The following ATG13 variants were observed in gnomAD, a reference collection of about 807,000 sequenced individuals.
ATG13 encodes the protein autophagy-related protein 13.
In ATG13, 23 loss-of-function variants were observed where a neutral mutation model predicts 65.5. That is an observed-to-expected ratio of 0.35 (90% CI 0.25 to 0.50). The LOEUF (loss-of-function observed/expected upper bound fraction) is 0.50. ATG13 is among the 20% of genes least tolerant of loss of function. The pLI is 0.98. For synonymous variants in ATG13, 252 were observed against 245.2 expected, an observed-to-expected ratio of 1.03 and a Z score of -0.26; for missense variants, 566 against 677.0, an observed-to-expected ratio of 0.84 and a Z score of 1.82.
chr11:46,619,033 T>C (rs1343939047), intron 1 of ATG13, among the ~76,000 whole-genome samples: 1 of 152,158 alleles, frequency 6.6e-6, no homozygotes, highest in African/African-American at 2.4e-5. Context: ...TGTGGAATAT[T>C]CGAAAGTAAC....
chr11:46,641,338 G>A (rs2055925845), intron 2 of ATG13, among the ~76,000 whole-genome samples: 1 of 152,192 alleles, frequency 6.6e-6, no homozygotes, highest in Non-Finnish European at 1.5e-5. Context: ...CCAAAGTGGT[G>A]GGATTACAGG....
At chr11:46,655,967 C>T (rs1246516970) in intron 7 of ATG13, among the ~76,000 whole-genome samples, 1 of 152,198 alleles carries the variant, frequency 6.6e-6, no homozygotes, top group African/African-American at 2.4e-5. Flanking sequence ...CTCCTGGCCT[C>T]AAGTGATCCT....
chr11:46,641,244 G>T (rs2055882071), intron 2 of ATG13, among the ~76,000 whole-genome samples: 1 of 152,110 alleles, frequency 6.6e-6, no homozygotes, highest in African/African-American at 2.4e-5. Context: ...GCTAATTTTT[G>T]TATTTTTAGT....
chr11:46,640,546 G>T (rs150040652), intron 2 of ATG13, among the ~76,000 whole-genome samples: 1 of 152,302 alleles, frequency 6.6e-6, no homozygotes, highest in African/African-American at 2.4e-5. Context: ...TAGAGCCTCT[G>T]TTTCCAGCTA....
chr11:46,665,408 G>A lies in ATG13; in HGVS notation c.1025G>A (p.Gly342Glu), dbSNP rs143742009. 124 of 1,613,940 alleles carry A rather than the reference G, an allele frequency of 7.7e-5. No individual in the cohort carries two copies. The highest frequency in any genetic ancestry group is 9.6e-5 in the Non-Finnish European group (113 of 1,179,986). ...HQLMVPGKEG[G>E]VPLAPNQPVH... Reference sequence around the variant, plus strand: ...CTGATGGTTCCTGGGAAGGAAGGTGGGGTACCCCTTGCTCCCAACCAGCCT... The same window carrying A: ...CTGATGGTTCCTGGGAAGGAAGGTGAGGTACCCCTTGCTCCCAACCAGCCT... Residue 342 changes from glycine (G) to glutamate (E), a missense_variant, in exon 14 of 19, where the codon GGG (glycine) becomes GAG (glutamate). This residue lies in a region of ATG13 where 387 missense variants were observed against 409.8 expected (regional missense o/e 0.94). Transcript: ENST00000683050.
At chr11:46,629,593 C>G (rs1407121300) in intron 1 of ATG13, among the ~76,000 whole-genome samples, 2 of 151,994 alleles carry the variant, frequency 1.3e-5, no homozygotes, top group East Asian at 3.9e-4. Flanking sequence ...GACGGGGTTT[C>G]TCCATGTTGG....
At chr11:46,638,215 T>C (rs1180946096) in intron 2 of ATG13, among the ~76,000 whole-genome samples, 1 of 152,138 alleles carries the variant, frequency 6.6e-6, no homozygotes, top group African/African-American at 2.4e-5. Flanking sequence ...GGCAGGTGAA[T>C]TGCTTGAGTC....
In ATG13 at chr11:46,621,454, T is replaced by G. The variant is rs528959009; in HGVS notation, c.-70+3564T>G. ...GCAGCAGGCTGTGGATTCAGAACTG[T>G]GAAAGCTTCTCCCAATACTATTCAG... On this transcript the variant is annotated intron_variant, in intron 1 of 18. Transcript: ENST00000683050. Among the ~76,000 whole-genome samples the G allele has an allele frequency of 2.6e-5, 4 of 152,358 alleles. 1 individual carries two copies. In the South Asian group the frequency reaches 8.3e-4, roughly 32 times the overall value.
chr11:46,638,125 G>A (rs1355287806), intron 2 of ATG13, among the ~76,000 whole-genome samples: 1 of 151,980 alleles, frequency 6.6e-6, no homozygotes, highest in African/African-American at 2.4e-5. Flanking sequence ...TTGTTTCTTT[G>A]TGATGAGAAC....
chr11:46,635,433 G>A (rs1381620080), intron 2 of ATG13, among the ~76,000 whole-genome samples: 2 of 152,164 alleles, frequency 1.3e-5, no homozygotes, highest in Admixed American at 1.3e-4. Context: ...CCTGAGTCCA[G>A]GAGTTCAATA....
rs1027847469 is a variant in ATG13, at chr11:46,617,562, C to T, written c.-398C>T. On this transcript the variant is annotated 5_prime_UTR_variant, in exon 1 of 19. Transcript: ENST00000683050. ...TTCACCCCCCCCCCCCGGCCATTAC[C>T]GAAGCGGATGAAAACAAACACTAAC... 1.2e-4 allele frequency: 22 copies of T among 189,562 alleles called. No individual in the cohort carries two copies. Among genetic ancestry groups the T allele is most frequent in the Middle Eastern group, 1.8e-3 (1 of 556 alleles). The allele number at this position is 189,562 out of a possible 1,614,324, so 11.7% of individuals were successfully genotyped here.
At chr11:46,640,302 G>T (rs2055530414) in intron 2 of ATG13, among the ~76,000 whole-genome samples, 2 of 152,312 alleles carry the variant, frequency 1.3e-5, no homozygotes, top group South Asian at 4.1e-4. Context: ...AATCTTCTAA[G>T]AATGGCTTCA....
chr11:46,640,519 A>G (rs193206259), intron 2 of ATG13, among the ~76,000 whole-genome samples: 53 of 152,302 alleles, frequency 3.5e-4, no homozygotes, highest in African/African-American at 1.2e-3. Flanking sequence ...GCACTTCACA[A>G]AAGAAGATAT....
chr11:46,623,959 T>C (rs925897093), intron 1 of ATG13, among the ~76,000 whole-genome samples: 1 of 151,996 alleles, frequency 6.6e-6, no homozygotes, highest in African/African-American at 2.4e-5. Context: ...ATGTTACTTA[T>C]ATCTCATGAA....
chr11:46,651,414 G>A (rs1002146615), intron 7 of ATG13, among the ~76,000 whole-genome samples: 2 of 152,220 alleles, frequency 1.3e-5, no homozygotes, highest in Non-Finnish European at 2.9e-5. Context: ...TCAGCAGCTA[G>A]CAAGGCACAG....
intron 1 of ATG13, among the ~76,000 whole-genome samples, chr11:46,624,975 C>T (rs2048992479): frequency 1.3e-5 from 2 of 151,868 alleles, no homozygotes; most frequent in South Asian, 4.1e-4. Flanking sequence ...GAGCCATGAT[C>T]ATCATGGCAC....
chr11:46,663,467 A>G (rs1366928069), intron 11 of ATG13, among the ~76,000 whole-genome samples: 3 of 152,096 alleles, frequency 2.0e-5, no homozygotes, highest in Admixed American at 2.0e-4. Flanking sequence ...CTTCCCTGGA[A>G]TGACGTAGGA....
chr11:46,643,186 C>G (rs1444267584), intron 2 of ATG13, among the ~76,000 whole-genome samples: 1 of 152,122 alleles, frequency 6.6e-6, no homozygotes, highest in Non-Finnish European at 1.5e-5. Flanking sequence ...TTTCAAACGG[C>G]TGATTGAGGG....
intron 1 of ATG13, among the ~76,000 whole-genome samples, chr11:46,624,185 C>T (rs1226602063): frequency 6.6e-6 from 1 of 151,354 alleles, no homozygotes; most frequent in East Asian, 1.9e-4. Flanking sequence ...TTGTATTTTA[C>T]TAGAGAAAGG....
Sources: allele counts gnomAD v4.1 joint callset (sites outside exome capture counted in the v4.1 genomes callset), GRCh38; gene constraint gnomAD v4.1.1; regional missense constraint gnomAD v4.1.1; transcripts MANE v1.5; gene names NCBI Gene and HGNC (gene_info 2026-07-23, HGNC 2026-07-21).